The following CA13 variants were observed in gnomAD, a reference collection of about 807,000 sequenced individuals.
The protein encoded by CA13 is carbonic anhydrase 13, also known as CA-XIII.
Under a neutral mutation model 31.5 loss-of-function variants are expected in CA13, and 21 were observed. The ratio of observed to expected loss-of-function variants is 0.67; its 90% CI spans 0.47 to 0.96. The LOEUF (loss-of-function observed/expected upper bound fraction) is 0.96, where lower values mean the gene tolerates loss of function less well. Ranked by LOEUF, CA13 falls within the 40% of genes least tolerant of loss-of-function variation. The pLI is 0.00. For missense variants in CA13, 315 were observed against 318.9 expected (o/e 0.99, Z 0.09); for synonymous variants, 117 against 111.4 (o/e 1.05, Z -0.32).
chr8:85,279,657 G>A (rs964259352), intron 6 of CA13, among the ~76,000 whole-genome samples: 5 of 152,274 alleles, frequency 3.3e-5, no homozygotes, highest in Middle Eastern at 3.4e-3. Context: ...TAAAGCCAAC[G>A]TCTTCAGAAG....
chr8:85,262,137 C>CCCAGG (rs374800644), intron 3 of CA13, among the ~76,000 whole-genome samples: 1 of 152,252 alleles, frequency 6.6e-6, no homozygotes, highest in African/African-American at 2.4e-5. Flanking sequence ...GTAATCCCAG[C>CCCAGG]ACTTTGGGAG....
rs1470693990 is a variant in CA13, at chr8:85,281,723, G to T, written c.*374G>T. The stretch of plus-strand genomic sequence containing the variant: ...TTAAGAAATAGGGTCTTGCTATGTT[G>T]CCCAGGCTGGTCTCAAGCTCCTGCC... On this transcript the variant is annotated 3_prime_UTR_variant, in exon 7 of 7. Coordinates refer to ENST00000321764, the MANE Select transcript of CA13 (RefSeq NM_198584.3). 1 of 159,258 alleles carries T rather than the reference G, an allele frequency of 6.3e-6. No individual in the cohort carries two copies. The highest frequency in any genetic ancestry group is 1.4e-5 in the Non-Finnish European group (1 of 73,604). 9.9% of individuals were successfully genotyped at this position (159,258 alleles called of 1,614,324 possible). A position where few individuals can be genotyped will look rare whatever the true frequency, so the allele number is the denominator to read the frequency against.
Position 85,281,378 on chromosome 8 carries a change from A to G in CA13, c.*29A>G, listed in dbSNP as rs886630605. The G allele has an allele frequency of 6.2e-7, 1 of 1,611,094 alleles. No individual in the cohort carries two copies. Among genetic ancestry groups the G allele is most frequent in the South Asian group, 1.1e-5 (1 of 90,906 alleles). On this transcript the variant is annotated 3_prime_UTR_variant, in exon 7 of 7. Transcript: ENST00000321764. Reference sequence around the variant, plus strand: ...TTGTCACCAATGAACTCCCCCAAACATGGCTGTGGAGAGACAACAAAACAA... The same window carrying G: ...TTGTCACCAATGAACTCCCCCAAACGTGGCTGTGGAGAGACAACAAAACAA...
chr8:85,272,396 C>T (rs546333536), intron 6 of CA13, among the ~76,000 whole-genome samples: 1 of 152,148 alleles, frequency 6.6e-6, no homozygotes, highest in East Asian at 1.9e-4. Context: ...GCTGGAACTA[C>T]AGGCATGCAT....
At chr8:85,273,045 C>T (rs1273975930) in intron 6 of CA13, among the ~76,000 whole-genome samples, 3 of 152,106 alleles carry the variant, frequency 2.0e-5, no homozygotes, top group Non-Finnish European at 2.9e-5. Flanking sequence ...CTCAAACTCC[C>T]GACTTCAAGT....
At position 85,281,519 on chromosome 8, in the gene CA13, T is replaced by C; in HGVS notation, c.*170T>C. The C allele has an allele frequency of 1.5e-6, 2 of 1,330,408 alleles. No individual in the cohort carries two copies. The highest frequency in any genetic ancestry group is 3.3e-5 in the South Asian group (2 of 60,460). The allele number at this position is 1,330,408 out of a possible 1,614,324, so 82.4% of individuals were successfully genotyped here. A position where few individuals can be genotyped will look rare whatever the true frequency, so the allele number is the denominator to read the frequency against. On this transcript the variant is annotated 3_prime_UTR_variant, in exon 7 of 7. Transcript: ENST00000321764. ...AACCAGATCTCTCTCTCTTTTTTTTTTATTTTTTTTAGTGATAGAGTCTCA... is the reference window on the plus strand; with the variant it reads ...AACCAGATCTCTCTCTCTTTTTTTTCTATTTTTTTTAGTGATAGAGTCTCA...
Position 85,250,789 on chromosome 8 carries a change from A to T in CA13, c.87A>T (p.Gln29His). The change falls in exon 2 of 7, where the codon CAA becomes CAT. Residue 29 changes from glutamine (Q) to histidine (H), a missense_variant. Coordinates refer to ENST00000321764, the MANE Select transcript of CA13 (RefSeq NM_198584.3). ...TCCCTATTGCTGATGGTGATCAGCAATCTCCAATTGAGATTAAAACCAAAG... is the reference window on the plus strand; with the variant it reads ...TCCCTATTGCTGATGGTGATCAGCATTCTCCAATTGAGATTAAAACCAAAG... ...EFFPIADGDQ[Q>H]SPIEIKTKEV... 1.2e-6 allele frequency: 2 copies of T among 1,613,894 alleles called. No homozygotes were observed. Among genetic ancestry groups the T allele is most frequent in the African/African-American group, 2.7e-5 (2 of 74,968 alleles).
At chr8:85,274,802 G>GT (rs1807578549) in intron 6 of CA13, among the ~76,000 whole-genome samples, 1 of 152,176 alleles carries the variant, frequency 6.6e-6, no homozygotes, top group Admixed American at 6.5e-5. Context: ...TGGCAGGACC[G>GT]TAATATTCGA....
intron 3 of CA13, among the ~76,000 whole-genome samples, chr8:85,265,486 A>G (rs977690181): frequency 3.3e-5 from 5 of 152,188 alleles, no homozygotes; most frequent in Non-Finnish European, 7.3e-5. Context: ...GCCGCTGCAT[A>G]TGAGTAGAGT....
intron 6 of CA13, among the ~76,000 whole-genome samples, chr8:85,276,027 G>A (rs1372656711): frequency 1.3e-5 from 2 of 152,204 alleles, no homozygotes; most frequent in Admixed American, 6.5e-5. Flanking sequence ...GGCCAAGGCC[G>A]GAGCCGGCTC....
intron 2 of CA13, among the ~76,000 whole-genome samples, chr8:85,258,328 T>C (rs376635473): frequency 1.7e-4 from 26 of 152,182 alleles, no homozygotes; most frequent in South Asian, 6.2e-4. Context: ...ATATGATTTA[T>C]TGTCATAGTT....
chr8:85,267,787 G>A, intron 4 of CA13, 115 bp from the exon 5 acceptor site: 1 of 613,314 alleles, frequency 1.6e-6, no homozygotes, highest in South Asian at 2.5e-5. Flanking sequence ...ATCACTGTAT[G>A]TTCTGTGCTG....
intron 6 of CA13, among the ~76,000 whole-genome samples, chr8:85,277,603 C>T (rs1485488612): frequency 2.6e-5 from 4 of 152,260 alleles, no homozygotes; most frequent in African/African-American, 7.2e-5. Context: ...GACAGTAGGG[C>T]GGGTACTGAT....
intron 6 of CA13, among the ~76,000 whole-genome samples, chr8:85,277,807 C>T (rs897350476): frequency 6.6e-6 from 1 of 152,142 alleles, no homozygotes; most frequent in Admixed American, 6.5e-5. Context: ...CCCAGTCTGA[C>T]GTGACTGCTG....
intron 6 of CA13, among the ~76,000 whole-genome samples, chr8:85,278,917 A>G (rs1807658847): frequency 6.6e-6 from 1 of 152,138 alleles, no homozygotes; most frequent in Admixed American, 6.5e-5. Context: ...ATAATTATGT[A>G]TTATTGACAG....
At chr8:85,252,360 G>A (rs1178017814) in intron 2 of CA13, among the ~76,000 whole-genome samples, 1 of 152,122 alleles carries the variant, frequency 6.6e-6, no homozygotes, top group African/African-American at 2.4e-5. Context: ...ATTGAAGGGA[G>A]GGAAAGTAGA....
chr8:85,277,677 TGTGGA>T (rs972339705), intron 6 of CA13, among the ~76,000 whole-genome samples: 17 of 152,170 alleles, frequency 1.1e-4, no homozygotes, highest in African/African-American at 3.9e-4. Context: ...CACGAGGTGG[TGTGGA>T]GCAACAAGAG....
chr8:85,264,339 G>A (rs1807426540), intron 3 of CA13, among the ~76,000 whole-genome samples: 1 of 152,192 alleles, frequency 6.6e-6, no homozygotes, highest in Non-Finnish European at 1.5e-5. Context: ...TTAGTTGCCA[G>A]TAGAGAAGAA....
At chr8:85,277,237 G>A (rs1227064681) in intron 6 of CA13, among the ~76,000 whole-genome samples, 1 of 152,108 alleles carries the variant, frequency 6.6e-6, no homozygotes, top group Non-Finnish European at 1.5e-5. Flanking sequence ...TCCACACTGC[G>A]TTTATGAGCT....
Sources: allele counts gnomAD v4.1 joint callset (sites outside exome capture counted in the v4.1 genomes callset), GRCh38; gene constraint gnomAD v4.1.1; transcripts MANE v1.5; gene names NCBI Gene and HGNC (gene_info 2026-07-23, HGNC 2026-07-21).